The following DCBLD1 variants were observed in gnomAD, a reference collection of about 807,000 sequenced individuals.
DCBLD1 encodes the protein discoidin, CUB and LCCL domain-containing protein 1.
DCBLD1 carries 57 observed loss-of-function variants against 71.5 expected under a neutral mutation model. The ratio of observed to expected loss-of-function variants is 0.80; its 90% CI spans 0.64 to 0.99. DCBLD1 has a LOEUF of 0.99. DCBLD1 is among the 50% of genes least tolerant of loss of function. DCBLD1 has a pLI of 0.00. For missense variants in DCBLD1, 891 were observed against 923.5 expected (o/e 0.96, Z 0.46); for synonymous variants, 380 against 363.8 (o/e 1.04, Z -0.51).
chr6:117,512,628 G>A (rs1211812423), intron 2 of DCBLD1, among the ~76,000 whole-genome samples: 2 of 152,144 alleles, frequency 1.3e-5, no homozygotes, highest in African/African-American at 2.4e-5. Flanking sequence ...AGTACCACTC[G>A]CCTGGCAGCC....
intron 6 of DCBLD1, among the ~76,000 whole-genome samples, 162 bp downstream of exon 6, chr6:117,532,555 A>G (rs918614459): frequency 1.1e-4 from 17 of 152,238 alleles, no homozygotes; most frequent in Non-Finnish European, 1.0e-4. Flanking sequence ...TGGTCTCTGC[A>G]TGGATGATAA....
intron 14 of DCBLD1, among the ~76,000 whole-genome samples, chr6:117,554,842 G>A (rs1779475954): frequency 6.6e-6 from 1 of 150,964 alleles, no homozygotes; most frequent in South Asian, 2.1e-4. Flanking sequence ...GCAGTGAGCC[G>A]AGATCGAGTC....
Position 117,549,084 on chromosome 6 carries a change from G to T in DCBLD1, c.*645G>T, listed in dbSNP as rs1779374906. The T allele has an allele frequency of 1.0e-6, 1 of 985,806 alleles. No homozygotes were observed. Among genetic ancestry groups the T allele is most frequent in the Non-Finnish European group, 1.2e-6 (1 of 830,350 alleles). The allele number at this position is 985,806 out of a possible 1,614,324, so 61.1% of individuals were successfully genotyped here. On this transcript the variant is annotated 3_prime_UTR_variant, in exon 15 of 15. Coordinates refer to ENST00000338728, the MANE Select transcript of DCBLD1 (RefSeq NM_001366458.2). ...GACTGTAGATTTAAAAACAAGCAAA[G>T]AAACAACACCTCAGCAGCTGCCCGT...
chr6:117,523,949 T>C (rs1182967448), intron 4 of DCBLD1, among the ~76,000 whole-genome samples: 1 of 152,160 alleles, frequency 6.6e-6, no homozygotes, highest in East Asian at 1.9e-4. Flanking sequence ...TTGGCTTCCT[T>C]TTTGTGTGTT....
intron 9 of DCBLD1, chr6:117,539,628 C>T: frequency 7.0e-6 from 2 of 285,012 alleles, no homozygotes; most frequent in South Asian, 5.1e-5. Context: ...GTGGTGCACA[C>T]TTGTAGTCCT....
chr6:117,525,759 C>T (rs2114505246), intron 5 of DCBLD1, among the ~76,000 whole-genome samples: 1 of 152,280 alleles, frequency 6.6e-6, no homozygotes, highest in Admixed American at 6.5e-5. Context: ...CAACTGGTTC[C>T]TGTAATAGAG....
chr6:117,551,621 C>T (rs2134086), downstream of DCBLD1, among the ~76,000 whole-genome samples: 89,715 of 151,466 alleles, frequency 0.59, 26,723 homozygotes, highest in South Asian at 0.73. Context: ...CCTCGTGATC[C>T]GCCATCCTCG....
chr6:117,488,283 G>C lies in DCBLD1; in HGVS notation c.112+5390G>C, dbSNP rs1006298551. On this transcript the variant is annotated intron_variant, in intron 1 of 14. Coordinates refer to ENST00000338728, the MANE Select transcript of DCBLD1 (RefSeq NM_001366458.2). ...AAATTGAAAGGAGGATAATATTCAT[G>C]TTATTTTAAACAGAAATTGTATATA... Among the ~76,000 whole-genome samples, 5 of 152,310 alleles carry C rather than the reference G, an allele frequency of 3.3e-5. No homozygotes were observed. In the East Asian group the frequency reaches 7.7e-4, roughly 23 times the overall value.
chr6:117,489,680 C>G (rs1427186320), intron 1 of DCBLD1, among the ~76,000 whole-genome samples: 4 of 152,108 alleles, frequency 2.6e-5, no homozygotes, highest in South Asian at 2.1e-4. Flanking sequence ...GTCAGGAGAT[C>G]AAGACCATCA....
intron 14 of DCBLD1, among the ~76,000 whole-genome samples, chr6:117,546,647 C>T (rs1263185501): frequency 6.6e-6 from 1 of 152,126 alleles, no homozygotes; most frequent in Non-Finnish European, 1.5e-5. Context: ...CCTGAATGAT[C>T]CTCAGGCTCC....
In DCBLD1 at chr6:117,549,626, C is replaced by T. The variant is rs1305844274; in HGVS notation, c.*1187C>T. ...TTTTCCCTGAAGAATGTATTATAACCCTATTTGTGTGGTTATTACATCCTG... is the reference window on the plus strand; with the variant it reads ...TTTTCCCTGAAGAATGTATTATAACTCTATTTGTGTGGTTATTACATCCTG... On this transcript the variant is annotated 3_prime_UTR_variant, in exon 15 of 15. Coordinates refer to ENST00000338728, the MANE Select transcript of DCBLD1 (RefSeq NM_001366458.2). 1.0e-6 allele frequency: 1 copy of T among 984,944 alleles called. No individual in the cohort carries two copies. The highest frequency in any genetic ancestry group is 6.2e-5 in the Admixed American group (1 of 16,234). The allele number at this position is 984,944 out of a possible 1,614,324, so 61.0% of individuals were successfully genotyped here. A position where few individuals can be genotyped will look rare whatever the true frequency, so the allele number is the denominator to read the frequency against.
chr6:117,555,964 T>C (rs2114588826), intron 14 of DCBLD1, among the ~76,000 whole-genome samples: 1 of 152,326 alleles, frequency 6.6e-6, no homozygotes, highest in East Asian at 1.9e-4. Flanking sequence ...CTTAACTAGC[T>C]GTGTGACCCT....
intron 14 of DCBLD1, among the ~76,000 whole-genome samples, chr6:117,569,115 A>G (rs1397706257): frequency 2.0e-5 from 3 of 152,184 alleles, no homozygotes; most frequent in Non-Finnish European, 4.4e-5. Flanking sequence ...TCATTTTAAG[A>G]GAGTTGGGCT....
intron 2 of DCBLD1, among the ~76,000 whole-genome samples, chr6:117,509,547 G>A (rs1367776731): frequency 1.3e-5 from 2 of 152,064 alleles, no homozygotes; most frequent in Non-Finnish European, 2.9e-5. Flanking sequence ...CTTAGTCAAC[G>A]TTAGCCATTA....
chr6:117,549,764 G>A lies in DCBLD1; in HGVS notation c.*1325G>A, dbSNP rs1583039324. 1.5e-5 allele frequency: 15 copies of A among 985,238 alleles called. No individual in the cohort carries two copies. The highest frequency in any genetic ancestry group is 1.6e-5 in the Non-Finnish European group (13 of 829,940). 61.0% of individuals were successfully genotyped at this position (985,238 alleles called of 1,614,324 possible). ...TTGTAGAGTTTACATGGTTTTATGC[G>A]CACACTAATTGTAATAAACTATGCC... is the stretch of plus-strand genomic sequence containing the variant. On this transcript the variant is annotated 3_prime_UTR_variant, in exon 15 of 15. Transcript: ENST00000338728.
intron 13 of DCBLD1, among the ~76,000 whole-genome samples, chr6:117,545,232 G>A (rs186107253): frequency 1.3e-5 from 2 of 152,154 alleles, no homozygotes; most frequent in African/African-American, 4.8e-5. Context: ...CACAAAGGGA[G>A]AATCTGGGAC....
In DCBLD1 at chr6:117,548,646, G is replaced by A. The variant is rs1019309074; in HGVS notation, c.*207G>A. On this transcript the variant is annotated 3_prime_UTR_variant, in exon 15 of 15. Transcript: ENST00000338728. ...CTGGTTTCGTGCTGACCCTTAGGGT[G>A]CGTCTGTTGGGTTTTGTTGGGCTAG... is the stretch of plus-strand genomic sequence containing the variant. 4.2e-6 allele frequency: 6 copies of A among 1,419,692 alleles called. No individual in the cohort carries two copies. In the African/African-American group the frequency reaches 8.7e-5, roughly 21 times the overall value. 87.9% of individuals were successfully genotyped at this position (1,419,692 alleles called of 1,614,324 possible). A position where few individuals can be genotyped will look rare whatever the true frequency, so the allele number is the denominator to read the frequency against.
chr6:117,557,764 CA>C (rs932097245), intron 14 of DCBLD1, among the ~76,000 whole-genome samples: 1 of 151,766 alleles, frequency 6.6e-6, no homozygotes, highest in South Asian at 2.1e-4. Context: ...AACTCCGTCT[CA>C]AAAAAAATAA....
intron 13 of DCBLD1, 45 bp downstream of exon 13, chr6:117,544,622 G>C: frequency 6.2e-7 from 1 of 1,607,844 alleles, no homozygotes; most frequent in African/African-American, 1.3e-5. Flanking sequence ...CTTTGAGGAA[G>C]GGACAGGATC....
Sources: allele counts gnomAD v4.1 joint callset (sites outside exome capture counted in the v4.1 genomes callset), GRCh38; gene constraint gnomAD v4.1.1; transcripts MANE v1.5; gene names NCBI Gene and HGNC (gene_info 2026-07-23, HGNC 2026-07-21).